PXYLP1: variants seen among roughly 807,000 people sequenced by gnomAD.
PXYLP1 encodes the protein 2-phosphoxylose phosphatase 1.
In PXYLP1, 17 loss-of-function variants were observed where a neutral mutation model predicts 37.9. That is an observed-to-expected ratio of 0.45 (90% confidence interval 0.31 to 0.67). The LOEUF (loss-of-function observed/expected upper bound fraction) is 0.67. Ranked by LOEUF, PXYLP1 falls within the 30% of genes least tolerant of loss-of-function variation. The probability of loss-of-function intolerance (pLI) is 0.07; values close to 1 mark genes in which losing one functional copy is unlikely to be tolerated. For synonymous variants in PXYLP1, 221 were observed against 232.2 expected, an observed-to-expected ratio of 0.95 and a Z score of 0.44; for missense variants, 511 against 612.0, an observed-to-expected ratio of 0.84 and a Z score of 1.74.
chr3:141,234,418 C>T (rs940780753), intron 1 of PXYLP1: 3 of 152,212 alleles, frequency 2.0e-5, no homozygotes, highest in Admixed American at 2.0e-4. Context: ...TAGCCCCAGT[C>T]CCCTTTAACA....
intron 5 of PXYLP1, among the ~76,000 whole-genome samples, chr3:141,289,258 G>T (rs1942145184): frequency 6.9e-6 from 1 of 144,070 alleles, no homozygotes; most frequent in Admixed American, 6.7e-5. Flanking sequence ...ATACAAAAAT[G>T]GTTTTGTGTT....
At chr3:141,261,034 C>G (rs1394797262) in intron 2 of PXYLP1, among the ~76,000 whole-genome samples, 1 of 152,196 alleles carries the variant, frequency 6.6e-6, no homozygotes, top group Non-Finnish European at 1.5e-5. Flanking sequence ...CAGCCCTTGC[C>G]CCTTCTCCTC....
chr3:141,241,511 G>C (rs759603382), intron 1 of PXYLP1, among the ~76,000 whole-genome samples: 72 of 152,334 alleles, frequency 4.7e-4, no homozygotes, highest in Non-Finnish European at 9.4e-4. Flanking sequence ...GTCAGGGAAG[G>C]CTTCCAGGGG....
Position 141,292,136 on chromosome 3 carries a change from A to G in PXYLP1, c.506-132A>G. 1.2e-6 allele frequency: 1 copy of G among 845,814 alleles called. No homozygotes were observed. Among genetic ancestry groups the G allele is most frequent in the Non-Finnish European group, 1.8e-6 (1 of 544,794 alleles). The allele number at this position is 845,814 out of a possible 1,614,324, so 52.4% of individuals were successfully genotyped here. A position where few individuals can be genotyped will look rare whatever the true frequency, so the allele number is the denominator to read the frequency against. ...GTGAACTCGAGCTTGTAACTTCCAC[A>G]CCATGGGGAAACAGGCTGGATGCCA... On this transcript the variant is annotated intron_variant, in intron 5 of 5. Transcript: ENST00000286353. This position sits in a 1 kb window ranked among gnomAD's most constrained non-coding sequence, Gnocchi z 4.3.
chr3:141,235,218 A>G (rs1467300918), intron 1 of PXYLP1: 2 of 152,308 alleles, frequency 1.3e-5, no homozygotes, highest in Non-Finnish European at 2.9e-5. Flanking sequence ...TGCTGGGCCC[A>G]TCATTCTGGT....
At chr3:141,248,214 G>A (rs1941009443) in intron 1 of PXYLP1, among the ~76,000 whole-genome samples, 1 of 151,792 alleles carries the variant, frequency 6.6e-6, no homozygotes, top group African/African-American at 2.4e-5. Flanking sequence ...GGCATTTTTA[G>A]TAGAGACAGG....
intron 2 of PXYLP1, among the ~76,000 whole-genome samples, chr3:141,264,619 G>A (rs147877465): frequency 2.0e-5 from 3 of 152,274 alleles, no homozygotes; most frequent in South Asian, 2.1e-4. Context: ...ATCACAAGCC[G>A]ACACCCTGGA....
chr3:141,270,780 CG>C (rs2148790718), intron 2 of PXYLP1, among the ~76,000 whole-genome samples: 1 of 152,152 alleles, frequency 6.6e-6, no homozygotes, highest in African/African-American at 2.4e-5. Flanking sequence ...AAGGGGTGGA[CG>C]CAGGGGTTTG....
intron 1 of PXYLP1, among the ~76,000 whole-genome samples, chr3:141,255,651 G>A (rs1276109667): frequency 6.6e-6 from 1 of 152,238 alleles, no homozygotes; most frequent in East Asian, 1.9e-4. Flanking sequence ...CTCACCAGAT[G>A]TCTTGAGGAG....
intron 2 of PXYLP1, chr3:141,274,100 G>A (rs73232948): frequency 0.043 from 42,351 of 992,772 alleles, 999 homozygotes; most frequent in South Asian, 0.1. Flanking sequence ...CTAGAGGCAC[G>A]GGGGGCCTGG....
At chr3:141,245,689 G>C (rs998977674) in intron 1 of PXYLP1, among the ~76,000 whole-genome samples, 1 of 152,224 alleles carries the variant, frequency 6.6e-6, no homozygotes, top group African/African-American at 2.4e-5. Flanking sequence ...ATTGGCACAA[G>C]GAGTGTCCAG....
chr3:141,286,975 C>A (rs2148834689), intron 4 of PXYLP1, among the ~76,000 whole-genome samples: 1 of 152,284 alleles, frequency 6.6e-6, no homozygotes, highest in Non-Finnish European at 1.5e-5. Context: ...GATGCCCAGC[C>A]TAGGCGTGAC....
chr3:141,292,755 T>C lies in PXYLP1; in HGVS notation c.993T>C (p.Asp331=), dbSNP rs1235452139. 6.2e-7 allele frequency: 1 copy of C among 1,613,856 alleles called. No homozygotes were observed. Among genetic ancestry groups the C allele is most frequent in the African/African-American group, 1.3e-5 (1 of 75,018 alleles). ...FKVIKTHQIE[D]ERERREKKLY... ...TAATTAAGACCCATCAGATCGAGGA[T>C]GAAAGGGAAAGACGGGAGAAGAAAT... The change falls in exon 6 of 6, where the codon GAT becomes GAC. Residue 331 remains aspartate (D), a synonymous_variant. Coordinates refer to ENST00000286353, the MANE Select transcript of PXYLP1 (RefSeq NM_001037172.3). The surrounding 1 kb of genome is among the most constrained non-coding windows in gnomAD (Gnocchi z 4.3).
intron 1 of PXYLP1, among the ~76,000 whole-genome samples, chr3:141,251,742 A>G (rs1941144757): frequency 6.6e-6 from 1 of 152,182 alleles, no homozygotes; most frequent in Non-Finnish European, 1.5e-5. Context: ...GCCTCTCTTC[A>G]GGTAAATGAA....
chr3:141,253,861 A>AAT (rs5853028), intron 1 of PXYLP1, among the ~76,000 whole-genome samples: 97,120 of 146,184 alleles, frequency 0.66, 32,673 homozygotes, highest in Non-Finnish European at 0.72. Flanking sequence ...ATATATATCT[A>AAT]ATATATATTA....
intron 1 of PXYLP1, among the ~76,000 whole-genome samples, chr3:141,238,777 A>G (rs766357212): frequency 6.6e-6 from 1 of 152,230 alleles, no homozygotes; most frequent in Non-Finnish European, 1.5e-5. Flanking sequence ...TATGTATTAT[A>G]TGCTGTATTC....
intron 1 of PXYLP1, chr3:141,234,367 G>A (rs1940608886): frequency 6.6e-6 from 1 of 152,120 alleles, no homozygotes; most frequent in African/African-American, 2.4e-5. Context: ...GTCTGCTGAG[G>A]GTTGAGTCCA....
intron 1 of PXYLP1, among the ~76,000 whole-genome samples, chr3:141,258,219 G>A (rs1473309441): frequency 3.3e-5 from 5 of 152,204 alleles, no homozygotes; most frequent in African/African-American, 1.2e-4. Context: ...GGCCAGCACA[G>A]TGGCTTCCCA....
chr3:141,262,594 T>C (rs1411874719), intron 2 of PXYLP1: 4 of 1,455,430 alleles, frequency 2.7e-6, no homozygotes, highest in Non-Finnish European at 3.6e-6. Flanking sequence ...AAGCCAATTT[T>C]CAGCCATACT....
Sources: gnomAD v4.1 joint callset for allele counts (sites outside exome capture counted in the v4.1 genomes callset) on GRCh38, gnomAD v4.1.1 for gene constraint, Gnocchi (gnomAD v3.1) non-coding constraint, MANE v1.5 for transcripts, NCBI Gene and HGNC (gene_info 2026-07-23, HGNC 2026-07-21) for gene names.